Variants in GPNMB observed in about 807,000 individuals in gnomAD.
GPNMB encodes glycoprotein nmb.
A neutral mutation model predicts 57.3 loss-of-function variants in GPNMB; 71 were observed. That is an observed-to-expected ratio of 1.24 (90% CI 1.02 to 1.51). GPNMB has a LOEUF of 1.51. Among genes scored for constraint, GPNMB ranks in the 40% most tolerant of loss-of-function variants. The pLI, the probability that GPNMB is intolerant of heterozygous loss-of-function variation, is 0.00. For synonymous variants in GPNMB, 253 were observed against 263.2 expected (o/e 0.96, Z 0.38); for missense variants, 677 against 691.9 (o/e 0.98, Z 0.24).
At chr7:23,261,603 G>A (rs938343878) in intron 6 of GPNMB, among the ~76,000 whole-genome samples, 2 of 152,042 alleles carry the variant, frequency 1.3e-5, no homozygotes, top group African/African-American at 4.8e-5. Context: ...GACACAGGGC[G>A]GGGAACATCA....
Position 23,269,988 on chromosome 7 carries a change from C to T in GPNMB, c.1242C>T (p.Thr414=). ...CQGSIPTEVC[T]IISDPTCEIT... ...GCAGCATTCCCACGGAGGTCTGTAC[C>T]ATCATTTCTGACCCCACCTGCGAGA... Residue 414 remains threonine (T), a synonymous_variant, in exon 9 of 11, where the codon ACC becomes ACT. Coordinates refer to ENST00000258733, the MANE Select transcript of GPNMB (RefSeq NM_002510.3). 1 of 1,614,012 alleles carries T rather than the reference C, an allele frequency of 6.2e-7. No individual in the cohort carries two copies. The highest frequency in any genetic ancestry group is 8.5e-7 in the Non-Finnish European group (1 of 1,179,944).
intron 4 of GPNMB, chr7:23,258,104 G>A (rs1782825580): frequency 1.3e-5 from 2 of 151,970 alleles, no homozygotes; most frequent in Non-Finnish European, 2.9e-5. Context: ...GTATTATTGG[G>A]GAAATGATTA....
intron 9 of GPNMB, among the ~76,000 whole-genome samples, chr7:23,271,713 T>C (rs1479299992): frequency 6.6e-6 from 1 of 151,884 alleles, no homozygotes; most frequent in Non-Finnish European, 1.5e-5. Flanking sequence ...GGAGAATAAT[T>C]TGAACCCTGG....
rs1782902429 is a variant in GPNMB, at chr7:23,260,754, A to C, written c.999A>C (p.Ser333=). 6.4e-7 allele frequency: 1 copy of C among 1,553,934 alleles called. No homozygotes were observed. Among genetic ancestry groups the C allele is most frequent in the Non-Finnish European group, 8.7e-7 (1 of 1,150,736 alleles). Reference sequence around the variant, plus strand: ...CACCGCCACCACCACCCAGACCTTCAAAACCCACCCCTTCTTTAGGTAAGG... The same window carrying C: ...CACCGCCACCACCACCCAGACCTTCCAAACCCACCCCTTCTTTAGGTAAGG... ...CPPPPPPPRP[S]KPTPSLGPAG... The change falls in exon 6 of 11, where the codon TCA becomes TCC. Residue 333 remains serine, a synonymous_variant. Transcript: ENST00000258733.
At chr7:23,262,861 C>T (rs1262200126) in intron 6 of GPNMB, among the ~76,000 whole-genome samples, 1 of 152,068 alleles carries the variant, frequency 6.6e-6, no homozygotes, top group African/African-American at 2.4e-5. Context: ...CACAGGTGAT[C>T]TACCCACCCC....
At chr7:23,251,742 AAACC>A (rs1782667024) in intron 1 of GPNMB, among the ~76,000 whole-genome samples, 2 of 152,350 alleles carry the variant, frequency 1.3e-5, no homozygotes, top group South Asian at 4.1e-4. Flanking sequence ...TAAAGGAGGA[AAACC>A]TTTCTCAGAA....
intron 6 of GPNMB, among the ~76,000 whole-genome samples, chr7:23,263,131 C>T (rs1782969658): frequency 6.6e-6 from 1 of 151,960 alleles, no homozygotes; most frequent in Admixed American, 6.6e-5. Flanking sequence ...TATTTAAGTT[C>T]CAGAATGGTA....
rs185613613 is a variant in GPNMB at position 23,265,442 on chromosome 7, A to C, written c.1019-1075A>C. 3.4e-4 allele frequency among the ~76,000 whole-genome samples: 52 copies of C among 152,234 alleles called. No homozygotes were observed. In the East Asian group the frequency reaches 7.5e-3, roughly 22 times the overall value. On this transcript the variant is annotated intron_variant, in intron 6 of 10. Coordinates refer to ENST00000258733, the MANE Select transcript of GPNMB (RefSeq NM_002510.3). ...CTTGCTAAAGGAGCAGCGATGTCTT[A>C]ATTAGAGCCTGTTAAATTGTAACTA...
chr7:23,247,223 G>A, intron 1 of GPNMB: 2 of 410,678 alleles, frequency 4.9e-6, no homozygotes, highest in South Asian at 2.3e-5. Context: ...GTTGGGGGAG[G>A]GTTGGACAGC....
At chr7:23,269,010 G>A (rs1783135235) in intron 8 of GPNMB, among the ~76,000 whole-genome samples, 1 of 152,170 alleles carries the variant, frequency 6.6e-6, no homozygotes, top group Non-Finnish European at 1.5e-5. Context: ...TCCACCCCTG[G>A]CTGCTTGTAT....
At chr7:23,267,747 C>T in intron 7 of GPNMB, 139 bp from the exon 8 acceptor site, 1 of 683,762 alleles carries the variant, frequency 1.5e-6, no homozygotes, top group South Asian at 1.7e-5. Context: ...GACCCCCCTC[C>T]TAATGCTATC....
At chr7:23,266,650 GCTAGA>G in intron 7 of GPNMB, 35 bp downstream of exon 7, 1 of 1,603,818 alleles carries the variant, frequency 6.2e-7, no homozygotes, top group African/African-American at 1.3e-5. Context: ...GAGGAAGGAT[GCTAGA>G]CTCCACCTAG....
chr7:23,246,864 T>G lies in GPNMB; in HGVS notation c.7T>G (p.Cys3Gly). 2 of 1,613,490 alleles carry G rather than the reference T, an allele frequency of 1.2e-6. No homozygotes were observed. The highest frequency in any genetic ancestry group is 8.5e-7 in the Non-Finnish European group (1 of 1,179,402). ...GCGTCCGTGAGAATTCAGCATGGAATGTCTCTACTATTTCCTGGGATTTCT... is the reference window on the plus strand; with the variant it reads ...GCGTCCGTGAGAATTCAGCATGGAAGGTCTCTACTATTTCCTGGGATTTCT... Reference protein sequence around the residue: MECLYYFLGFLLL... With the variant: MEGLYYFLGFLLL... The change falls in exon 1 of 11, where the codon TGT becomes GGT. Residue 3 changes from cysteine (C) to glycine (G), a missense_variant. Coordinates refer to ENST00000258733, the MANE Select transcript of GPNMB (RefSeq NM_002510.3).
At chr7:23,262,547 TTATCCAG>T (rs1469240050) in intron 6 of GPNMB, among the ~76,000 whole-genome samples, 1 of 151,888 alleles carries the variant, frequency 6.6e-6, no homozygotes, top group South Asian at 2.1e-4. Context: ...CTATCTCACT[TTATCCAG>T]TGGCTGCATA....
chr7:23,248,292 G>A (rs1008241115), intron 1 of GPNMB, among the ~76,000 whole-genome samples: 1 of 152,070 alleles, frequency 6.6e-6, no homozygotes, highest in African/African-American at 2.4e-5. Context: ...AAAGACGAAG[G>A]AACACAGAAT....
chr7:23,263,047 A>G (rs1012886966), intron 6 of GPNMB, among the ~76,000 whole-genome samples: 1 of 152,172 alleles, frequency 6.6e-6, no homozygotes, highest in Non-Finnish European at 1.5e-5. Flanking sequence ...TTTTTTATCT[A>G]CAACTATTAA....
chr7:23,259,147 G>A (rs1361042923), intron 4 of GPNMB, among the ~76,000 whole-genome samples: 1 of 152,154 alleles, frequency 6.6e-6, no homozygotes, highest in African/African-American at 2.4e-5. Context: ...ACCCCATTCT[G>A]TTTTATGTCT....
rs533937823 is a variant in GPNMB at position 23,273,233 on chromosome 7, A to C, written c.1430-288A>C. 35 of 304,600 alleles carry C rather than the reference A, an allele frequency of 1.1e-4. 1 individual carries two copies. Among genetic ancestry groups the C allele is most frequent in the African/African-American group, 5.0e-4 (23 of 46,258 alleles). The allele number at this position is 304,600 out of a possible 1,614,324, so 18.9% of individuals were successfully genotyped here. A position where few individuals can be genotyped will look rare whatever the true frequency, so the allele number is the denominator to read the frequency against. On this transcript the variant is annotated intron_variant, in intron 9 of 10. Transcript: ENST00000258733. Reference sequence around the variant, plus strand: ...GCCGCCTGATCACAGGAGCCCTTCCACACGGTGGCGCTGCTGGGTCACCCA... The same window carrying C: ...GCCGCCTGATCACAGGAGCCCTTCCCCACGGTGGCGCTGCTGGGTCACCCA...
At chr7:23,260,173 C>T in intron 5 of GPNMB, 35 bp downstream of exon 5, 1 of 1,606,892 alleles carries the variant, frequency 6.2e-7, no homozygotes, top group South Asian at 1.1e-5. Context: ...GGATGAGGCA[C>T]TTCATTCTGT....
Sources: gnomAD v4.1 joint callset for allele counts (sites outside exome capture counted in the v4.1 genomes callset) on GRCh38, gnomAD v4.1.1 for gene constraint, MANE v1.5 for transcripts, NCBI Gene and HGNC (gene_info 2026-07-23, HGNC 2026-07-21) for gene names.